Variants in HHLA2 observed in about 807,000 individuals in gnomAD.
HHLA2 encodes the protein HHLA2 member of B7 family.
Under a neutral mutation model 45.9 loss-of-function variants are expected in HHLA2, and 48 were observed. That is an observed-to-expected ratio of 1.05 (90% confidence interval 0.83 to 1.33). The LOEUF (loss-of-function observed/expected upper bound fraction) is 1.33. HHLA2 is among the 40% of genes most tolerant of loss of function. The pLI, the probability that HHLA2 is intolerant of heterozygous loss-of-function variation, is 0.00. For missense variants in HHLA2, 462 were observed against 494.3 expected (o/e 0.93, Z 0.62); for synonymous variants, 161 against 173.9 (o/e 0.93, Z 0.59).
Position 108,323,130 on chromosome 3 carries a change from T to TG in HHLA2, c.-104-5133dup, listed in dbSNP as rs201124133. Among the ~76,000 whole-genome samples the TG allele has an allele frequency of 9.8e-4, 131 of 133,386 alleles. 3 individuals are homozygous for TG. The East Asian group carries it at 0.028, about 29-fold the overall frequency. 87.5% of individuals were successfully genotyped at this position (133,386 alleles called of 152,430 possible). A position where few individuals can be genotyped will look rare whatever the true frequency, so the allele number is the denominator to read the frequency against. ...AAAACAAAAACAATCCTTCCCATAG[T>TG]GGGGGGGTCTGTGGTTGGGGGGCAG... On this transcript the variant is annotated intron_variant, in intron 2 of 10. Transcript: ENST00000619531.
chr3:108,355,270 T>G (rs201009066), exon 6 of HHLA2: 3 of 1,613,914 alleles, frequency 1.9e-6, no homozygotes, highest in African/African-American at 1.3e-5. Context: ...GTCTTTGGAT[T>G]CTTTTTCTAT....
At chr3:108,299,569 A>G (rs1344049372) in intron 1 of HHLA2, among the ~76,000 whole-genome samples, 1 of 151,948 alleles carries the variant, frequency 6.6e-6, no homozygotes, top group Admixed American at 6.6e-5. Context: ...TCTGGGTGAT[A>G]AGTGCAGGAA....
At chr3:108,335,817 G>C (rs146681511) in intron 3 of HHLA2, among the ~76,000 whole-genome samples, 1 of 152,004 alleles carries the variant, frequency 6.6e-6, no homozygotes, top group African/African-American at 2.4e-5. Context: ...TAGTGATAGG[G>C]GCTTTGTACA....
At chr3:108,376,410 A>G in intron 9 of HHLA2, 83 bp from the exon 9 acceptor site, 1 of 1,017,312 alleles carries the variant, frequency 9.8e-7, no homozygotes. Context: ...TTCTAATAAC[A>G]TGATTATATT....
intron 7 of HHLA2, among the ~76,000 whole-genome samples, chr3:108,358,473 T>C (rs2081935935): frequency 6.6e-6 from 1 of 152,128 alleles, no homozygotes; most frequent in South Asian, 2.1e-4. Flanking sequence ...CTGTGCCTAA[T>C]ATATACCTTA....
intron 2 of HHLA2, among the ~76,000 whole-genome samples, chr3:108,318,995 C>T (rs141215164): frequency 1.0e-3 from 154 of 152,336 alleles, no homozygotes; most frequent in African/African-American, 3.6e-3. Flanking sequence ...ATATCACTCA[C>T]AAGGTAGCTC....
chr3:108,324,033 C>T (rs905635103), intron 2 of HHLA2, among the ~76,000 whole-genome samples: 16 of 152,276 alleles, frequency 1.1e-4, no homozygotes, highest in Non-Finnish European at 1.6e-4. Flanking sequence ...TCAAAATGCA[C>T]TCCTTTGTTA....
chr3:108,370,977 C>T lies in HHLA2; in HGVS notation c.1109-4773C>T, dbSNP rs560681283. Among the ~76,000 whole-genome samples the T allele has an allele frequency of 3.4e-4, 52 of 152,164 alleles. No homozygotes were observed. The South Asian group carries it at 3.7e-3, about 11-fold the overall frequency. ...ACTCAAATTCAGGAAATACAGAGAA[C>T]GCCAGAAAGATACTCCTCGAGAAGA... On this transcript the variant is annotated intron_variant, in intron 8 of 10. Coordinates refer to ENST00000619531, the Ensembl canonical transcript of HHLA2.
intron 8 of HHLA2, among the ~76,000 whole-genome samples, chr3:108,366,919 CA>C (rs2082074260): frequency 1.3e-5 from 2 of 152,132 alleles, no homozygotes; most frequent in Admixed American, 1.3e-4. Flanking sequence ...TTCAAAATAG[CA>C]GCTCCTGGGT....
chr3:108,352,146 T>C (rs1576157334), intron 4 of HHLA2, among the ~76,000 whole-genome samples: 1 of 5,416 alleles, frequency 1.8e-4, no homozygotes. Context: ...GATTGATTGA[T>C]TTTTTTTTTT....
intron 3 of HHLA2, among the ~76,000 whole-genome samples, chr3:108,338,061 A>T (rs1295192752): frequency 1.3e-5 from 2 of 152,066 alleles, no homozygotes; most frequent in African/African-American, 4.8e-5. Flanking sequence ...ATATAAGTGT[A>T]TGTACAAACG....
intron 6 of HHLA2, among the ~76,000 whole-genome samples, chr3:108,356,029 C>CTTTTTTTTTTT (rs3053487): frequency 8.5e-6 from 1 of 118,228 alleles, no homozygotes; most frequent in Non-Finnish European, 1.7e-5. Context: ...ATTTGTTTTC[C>CTTTTTTTTTTT]TTTTTTTTTT....
chr3:108,320,555 G>T (rs2081181329), intron 2 of HHLA2, among the ~76,000 whole-genome samples: 1 of 152,100 alleles, frequency 6.6e-6, no homozygotes, highest in Non-Finnish European at 1.5e-5. Context: ...AGAATTTAGG[G>T]TTATGCATTC....
At chr3:108,372,378 A>G (rs2107512418) in intron 8 of HHLA2, among the ~76,000 whole-genome samples, 1 of 152,054 alleles carries the variant, frequency 6.6e-6, no homozygotes, top group South Asian at 2.1e-4. Context: ...AAAGCAGGAA[A>G]GATCCAAAAT....
In HHLA2 at chr3:108,297,555, T is replaced by C. The variant is rs79089851; in HGVS notation, c.-192+956T>C. Among the ~76,000 whole-genome samples, 1,139 of 152,312 alleles carry C rather than the reference T, an allele frequency of 7.5e-3. 14 individuals carry two copies. The highest frequency in any genetic ancestry group is 0.026 in the African/African-American group (1,076 of 41,574). ...GCTGTGAAGATTAAATGAAATTTAT[T>C]AAAGTGCTTAGCAAAGTGCCTGGTA... On this transcript the variant is annotated intron_variant, in intron 1 of 10. Coordinates refer to ENST00000619531, the Ensembl canonical transcript of HHLA2.
intron 7 of HHLA2, 95 bp downstream of exon 6, chr3:108,358,256 C>A: frequency 1.3e-6 from 1 of 778,734 alleles, no homozygotes; most frequent in Non-Finnish European, 2.0e-6. Context: ...TTCAAGAATA[C>A]ATTGATACCC....
rs564059802 is a variant in HHLA2, at chr3:108,365,518, T to C, written c.1108+3072T>C. ...CCATATGAAATTTAAAGTACTTTTTTCTAGTTCTGTGAAGAAAGTCAATGG... is the reference window on the plus strand; with the variant it reads ...CCATATGAAATTTAAAGTACTTTTTCCTAGTTCTGTGAAGAAAGTCAATGG... On this transcript the variant is annotated intron_variant, in intron 8 of 10. Transcript: ENST00000619531. 3.3e-5 allele frequency among the ~76,000 whole-genome samples: 5 copies of C among 152,330 alleles called. No homozygotes were observed. In the East Asian group the frequency reaches 5.8e-4, roughly 18 times the overall value.
intron 3 of HHLA2, among the ~76,000 whole-genome samples, chr3:108,329,592 C>T (rs532905162): frequency 2.0e-5 from 3 of 152,234 alleles, no homozygotes; most frequent in Non-Finnish European, 2.9e-5. Flanking sequence ...TGTATTGGCT[C>T]ATGATACTGG....
intron 3 of HHLA2, among the ~76,000 whole-genome samples, chr3:108,334,407 A>T (rs1288864044): frequency 6.6e-6 from 1 of 152,216 alleles, no homozygotes; most frequent in Non-Finnish European, 1.5e-5. Context: ...ATCTGCATGT[A>T]TATCGTTCAG....
Sources: gnomAD v4.1 joint callset for allele counts (sites outside exome capture counted in the v4.1 genomes callset) on GRCh38, gnomAD v4.1.1 for gene constraint, MANE v1.5 for transcripts, NCBI Gene and HGNC (gene_info 2026-07-23, HGNC 2026-07-21) for gene names.